The following CMTM8 variants were observed in gnomAD, a reference collection of about 807,000 sequenced individuals.
CMTM8 encodes CKLF like MARVEL transmembrane domain containing 8, also known as CKLF-like MARVEL transmembrane domain-containing protein 8.
A neutral mutation model predicts 18.6 loss-of-function variants in CMTM8; 12 were observed. The ratio of observed to expected loss-of-function variants is 0.65; its 90% CI spans 0.41 to 1.05. The LOEUF is 1.05. Among genes scored for constraint, CMTM8 ranks in the 50% least tolerant of loss-of-function variants. CMTM8 has a pLI of 0.00. For synonymous variants in CMTM8, 87 were observed against 90.6 expected, an observed-to-expected ratio of 0.96 and a Z score of 0.23; for missense variants, 217 against 227.2, an observed-to-expected ratio of 0.95 and a Z score of 0.29.
intron 1 of CMTM8, among the ~76,000 whole-genome samples, chr3:32,309,299 AATT>A (rs1339880867): frequency 5.5e-5 from 7 of 126,578 alleles, no homozygotes; most frequent in African/African-American, 1.7e-4. Flanking sequence ...CCAATTTACC[AATT>A]TTTTTTTTTT....
At chr3:32,274,564 G>A (rs566215016) in intron 1 of CMTM8, among the ~76,000 whole-genome samples, 1 of 152,256 alleles carries the variant, frequency 6.6e-6, no homozygotes, top group South Asian at 2.1e-4. Flanking sequence ...AGAGTAGGTT[G>A]CAGACATCAC....
chr3:32,272,140 A>G (rs567146373), intron 1 of CMTM8, among the ~76,000 whole-genome samples: 1 of 152,202 alleles, frequency 6.6e-6, no homozygotes, highest in Non-Finnish European at 1.5e-5. Flanking sequence ...ATTTGAAAGT[A>G]TCATTCTTCT....
rs181482401 is a variant in CMTM8 at position 32,328,672 on chromosome 3, C to T, written c.148-28701C>T. Among the ~76,000 whole-genome samples the T allele has an allele frequency of 9.0e-4, 137 of 151,610 alleles. 1 individual carries two copies. Among genetic ancestry groups the T allele is most frequent in the South Asian group, 4.4e-3 (21 of 4,782 alleles). On this transcript the variant is annotated intron_variant, in intron 1 of 3. Transcript: ENST00000307526. Reference sequence around the variant, plus strand: ...ATCAGAAGTGAAAGAAAAGACATTGCTAAAAAAAGTCAAAGTATCATAAAA... The same window carrying T: ...ATCAGAAGTGAAAGAAAAGACATTGTTAAAAAAAGTCAAAGTATCATAAAA...
At chr3:32,251,204 A>C (rs536890902) in intron 1 of CMTM8, among the ~76,000 whole-genome samples, 51 of 152,364 alleles carry the variant, frequency 3.3e-4, no homozygotes, top group Admixed American at 7.8e-4. Context: ...TATAAATAAT[A>C]TTCAGGGGAG....
chr3:32,341,865 A>G (rs935149108), intron 1 of CMTM8, among the ~76,000 whole-genome samples: 5 of 151,744 alleles, frequency 3.3e-5, no homozygotes, highest in Admixed American at 6.6e-5. Flanking sequence ...ACAGAGCAAG[A>G]CTCTGTCTCA....
chr3:32,247,585 C>A (rs181244754), intron 1 of CMTM8, among the ~76,000 whole-genome samples: 71 of 152,198 alleles, frequency 4.7e-4, no homozygotes, highest in Non-Finnish European at 7.9e-4. Context: ...CTCGACCTCC[C>A]CAAGTGCTGA....
chr3:32,353,994 A>G (rs1442806932), intron 1 of CMTM8, among the ~76,000 whole-genome samples: 2 of 152,046 alleles, frequency 1.3e-5, no homozygotes, highest in Non-Finnish European at 2.9e-5. Context: ...CATGTTGGCC[A>G]GGATGGTCTT....
intron 1 of CMTM8, among the ~76,000 whole-genome samples, chr3:32,248,392 C>T (rs1170650550): frequency 2.6e-5 from 4 of 152,004 alleles, no homozygotes; most frequent in Admixed American, 2.0e-4. Context: ...CACACAGTCT[C>T]ACTTTGTTGC....
intron 1 of CMTM8, among the ~76,000 whole-genome samples, chr3:32,291,441 A>G (rs998950871): frequency 1.3e-5 from 2 of 152,204 alleles, no homozygotes; most frequent in Non-Finnish European, 2.9e-5. Context: ...TGCCCAGCCG[A>G]GAAGAAAATT....
At chr3:32,309,403 G>T (rs1695779024) in intron 1 of CMTM8, among the ~76,000 whole-genome samples, 1 of 150,706 alleles carries the variant, frequency 6.6e-6, no homozygotes, top group Non-Finnish European at 1.5e-5. Context: ...CACCTCCCGG[G>T]TTCAAGTGAT....
chr3:32,263,937 A>G (rs2125539061), intron 1 of CMTM8, among the ~76,000 whole-genome samples: 1 of 152,366 alleles, frequency 6.6e-6, no homozygotes, highest in East Asian at 1.9e-4. Context: ...CCTCCAAGAA[A>G]TATGGGACTA....
chr3:32,272,085 A>G (rs1455535920), intron 1 of CMTM8, among the ~76,000 whole-genome samples: 1 of 152,188 alleles, frequency 6.6e-6, no homozygotes. Context: ...AGATAATTAT[A>G]CAAGTTATAG....
At chr3:32,255,022 T>C (rs1321451442) in intron 1 of CMTM8, among the ~76,000 whole-genome samples, 2 of 152,214 alleles carry the variant, frequency 1.3e-5, no homozygotes, top group Non-Finnish European at 2.9e-5. Flanking sequence ...TATGGTCTTC[T>C]TTGACTTATT....
chr3:32,310,442 G>A (rs571334900), intron 1 of CMTM8, among the ~76,000 whole-genome samples: 30 of 152,286 alleles, frequency 2.0e-4, no homozygotes, highest in Admixed American at 9.2e-4. Context: ...CATCTTAATG[G>A]GAGGCCTTGT....
chr3:32,268,948 T>C (rs1702393273), intron 1 of CMTM8, among the ~76,000 whole-genome samples: 1 of 152,246 alleles, frequency 6.6e-6, no homozygotes, highest in Non-Finnish European at 1.5e-5. Context: ...GTTTATAACC[T>C]GCCTTGTTTC....
chr3:32,258,537 T>A (rs543176274), intron 1 of CMTM8, among the ~76,000 whole-genome samples: 1 of 152,284 alleles, frequency 6.6e-6, no homozygotes, highest in South Asian at 2.1e-4. Flanking sequence ...TTTGTGATAG[T>A]CTTGCTCTGT....
intron 1 of CMTM8, among the ~76,000 whole-genome samples, chr3:32,332,036 G>GCACA (rs140552228): frequency 4.0e-4 from 61 of 151,044 alleles, no homozygotes; most frequent in African/African-American, 6.6e-4. Context: ...TTGACCACAC[G>GCACA]CGCACACACA....
chr3:32,368,528 A>G (rs1423788585), intron 3 of CMTM8, among the ~76,000 whole-genome samples: 1 of 147,574 alleles, frequency 6.8e-6, no homozygotes, highest in Non-Finnish European at 1.5e-5. Context: ...TGGCATAATT[A>G]TAGCTCACTG....
At chr3:32,256,249 T>C (rs1702173275) in intron 1 of CMTM8, among the ~76,000 whole-genome samples, 1 of 151,890 alleles carries the variant, frequency 6.6e-6, no homozygotes, top group South Asian at 2.1e-4. Flanking sequence ...TTTTATTTTT[T>C]GTAGAGATAG....
Sources: allele counts gnomAD v4.1 joint callset (sites outside exome capture counted in the v4.1 genomes callset), GRCh38; gene constraint gnomAD v4.1.1; transcripts MANE v1.5; gene names NCBI Gene and HGNC (gene_info 2026-07-23, HGNC 2026-07-21).